The following RIMS2 variants were observed in gnomAD, a reference collection of about 807,000 sequenced individuals.
RIMS2 encodes the protein regulating synaptic membrane exocytosis protein 2.
A neutral mutation model predicts 174.4 loss-of-function variants in RIMS2; 59 were observed. The ratio of observed to expected loss-of-function variants is 0.34; its 90% confidence interval spans 0.27 to 0.42. The LOEUF (loss-of-function observed/expected upper bound fraction) is 0.42. RIMS2 is among the 10% of genes least tolerant of loss of function. RIMS2 has a pLI of 1.00. For missense variants in RIMS2, 1,620 were observed against 1,666.3 expected, an observed-to-expected ratio of 0.97 and a Z score of 0.48; for synonymous variants, 606 against 572.5, an observed-to-expected ratio of 1.06 and a Z score of -0.84.
intron 19 of RIMS2, among the ~76,000 whole-genome samples, chr8:104,187,944 G>A (rs2098976736): frequency 6.6e-6 from 1 of 151,530 alleles, no homozygotes; most frequent in African/African-American, 2.4e-5. Flanking sequence ...AATAATTTAT[G>A]GACTCACATG....
intron 1 of RIMS2, among the ~76,000 whole-genome samples, chr8:103,615,272 A>G (rs972575398): frequency 2.6e-5 from 4 of 152,220 alleles, no homozygotes; most frequent in African/African-American, 7.2e-5. Flanking sequence ...ATGCTCCTTC[A>G]TGACTTCTGG....
chr8:103,888,289 A>T (rs1184705140), intron 4 of RIMS2, among the ~76,000 whole-genome samples: 1 of 151,592 alleles, frequency 6.6e-6, no homozygotes, highest in Non-Finnish European at 1.5e-5. Context: ...TATTTGTTGC[A>T]TTCAAATGAT....
intron 19 of RIMS2, among the ~76,000 whole-genome samples, chr8:104,210,909 G>A (rs1253665507): frequency 6.6e-6 from 1 of 152,116 alleles, no homozygotes; most frequent in African/African-American, 2.4e-5. Context: ...CTTGGGGTTG[G>A]GAGTAAGATG....
At chr8:103,676,804 G>A (rs2136537701) in intron 1 of RIMS2, among the ~76,000 whole-genome samples, 1 of 152,134 alleles carries the variant, frequency 6.6e-6, no homozygotes, top group African/African-American at 2.4e-5. Flanking sequence ...CCAACATGGT[G>A]AAACACTGTC....
intron 2 of RIMS2, among the ~76,000 whole-genome samples, chr8:103,722,686 G>C (rs2097467342): frequency 1.3e-5 from 2 of 152,156 alleles, no homozygotes; most frequent in Admixed American, 1.3e-4. Flanking sequence ...TTCCTAACAG[G>C]TCATGGACTG....
At chr8:103,964,721 T>C (rs541615782) in intron 15 of RIMS2, among the ~76,000 whole-genome samples, 8 of 152,342 alleles carry the variant, frequency 5.3e-5, no homozygotes, top group African/African-American at 1.9e-4. Flanking sequence ...TATGGTGTTA[T>C]ATCTAAAAAT....
intron 1 of RIMS2, among the ~76,000 whole-genome samples, chr8:103,578,466 G>T (rs752798640): frequency 6.6e-6 from 1 of 152,070 alleles, no homozygotes; most frequent in East Asian, 1.9e-4. Context: ...GGGAGTTGAA[G>T]GTTGCAGTGA....
chr8:103,600,087 CTCCCACAAATTTTTACT>C (rs940951703), intron 1 of RIMS2, among the ~76,000 whole-genome samples: 24 of 152,140 alleles, frequency 1.6e-4, no homozygotes, highest in East Asian at 1.2e-3. Context: ...TACTCTCTAT[CTCCCACAAATTTTTACT>C]TCCCACAAAT....
intron 19 of RIMS2, chr8:104,223,799 A>G: frequency 6.3e-7 from 1 of 1,593,692 alleles, no homozygotes; most frequent in Non-Finnish European, 8.5e-7. Context: ...AGGAGGTGAG[A>G]CACCCCTTCC....
intron 1 of RIMS2, among the ~76,000 whole-genome samples, chr8:103,658,617 C>T (rs13438793): frequency 0.012 from 1,767 of 152,204 alleles, 32 homozygotes; most frequent in African/African-American, 0.039. Flanking sequence ...GATTTTCAAG[C>T]CCAGGGAAAA....
At chr8:103,675,273 G>A (rs1056469008) in intron 1 of RIMS2, among the ~76,000 whole-genome samples, 9 of 152,156 alleles carry the variant, frequency 5.9e-5, no homozygotes, top group African/African-American at 2.2e-4. Flanking sequence ...TGGGTCTCAG[G>A]TAGCCACATG....
chr8:104,129,215 G>A (rs990997663), intron 19 of RIMS2, among the ~76,000 whole-genome samples: 2 of 149,782 alleles, frequency 1.3e-5, no homozygotes, highest in Non-Finnish European at 3.0e-5. Context: ...GCGAGACCTT[G>A]TCTCTATTAA....
chr8:103,643,162 T>C (rs982327688), intron 1 of RIMS2, among the ~76,000 whole-genome samples: 1 of 152,036 alleles, frequency 6.6e-6, no homozygotes, highest in Non-Finnish European at 1.5e-5. Flanking sequence ...AGCTCATTGA[T>C]TGTTTTTTTG....
rs71575988 is a variant in RIMS2 at position 103,967,170 on chromosome 8, G to GTTTTTTTTTTTT, written c.2770+6056_2770+6067dup. On this transcript the variant is annotated intron_variant, in intron 15 of 23. Coordinates refer to ENST00000504942, the Ensembl canonical transcript of RIMS2. ...TTTTCTGCCTGCTTGATCTGTTCTT[G>GTTTTTTTTTTTT]TTTTTTTTTTTTTTTTTTTTTTTTT... Among the ~76,000 whole-genome samples the GTTTTTTTTTTTT allele has an allele frequency of 2.9e-3, 73 of 24,966 alleles. 17 individuals are homozygous for GTTTTTTTTTTTT. The highest frequency in any genetic ancestry group is 7.4e-3 in the African/African-American group (35 of 4,738). The allele number at this position is 24,966 out of a possible 152,430, so 16.4% of individuals were successfully genotyped here.
At chr8:103,510,551 C>G (rs150195598) in intron 1 of RIMS2, among the ~76,000 whole-genome samples, 30 of 152,172 alleles carry the variant, frequency 2.0e-4, no homozygotes, top group Non-Finnish European at 3.7e-4. Context: ...GACCGAGATT[C>G]TTGTTGGCTA....
intron 19 of RIMS2, among the ~76,000 whole-genome samples, chr8:104,194,976 C>T (rs2099016750): frequency 6.6e-6 from 1 of 152,184 alleles, no homozygotes; most frequent in Admixed American, 6.5e-5. Flanking sequence ...AACAGATAAA[C>T]ACGGATAACA....
intron 1 of RIMS2, among the ~76,000 whole-genome samples, chr8:103,594,521 G>A (rs1285608927): frequency 2.6e-5 from 4 of 151,658 alleles, no homozygotes; most frequent in Non-Finnish European, 5.9e-5. Flanking sequence ...AGGCTGTTAG[G>A]AAGCTAACCC....
In RIMS2 at chr8:103,921,664, C is replaced by T. The variant is rs1595187451; in HGVS notation, c.2084-8C>T. The T allele has an allele frequency of 9.3e-7, 1 of 1,069,676 alleles. No individual in the cohort carries two copies. Among genetic ancestry groups the T allele is most frequent in the Non-Finnish European group, 1.5e-6 (1 of 683,174 alleles). The allele number at this position is 1,069,676 out of a possible 1,614,324, so 66.3% of individuals were successfully genotyped here. ...GTTATTATTCGTTATGTGTAATTAT[C>T]GTTTCAGGTTCTAGCTCCTTTGAAT... On this transcript the variant is annotated splice_polypyrimidine_tract_variant and splice_region_variant and intron_variant, in intron 9 of 23. Coordinates refer to ENST00000504942, the Ensembl canonical transcript of RIMS2.
At chr8:104,041,424 A>AT in intron 19 of RIMS2, 66 bp downstream of exon 22, 4 of 644,990 alleles carry the variant, frequency 6.2e-6, no homozygotes, top group South Asian at 1.7e-5. Context: ...ATGTTTAATC[A>AT]TTTTTTTACT....
Sources: gnomAD v4.1 joint callset for allele counts (sites outside exome capture counted in the v4.1 genomes callset) on GRCh38, gnomAD v4.1.1 for gene constraint, MANE v1.5 for transcripts, NCBI Gene and HGNC (gene_info 2026-07-23, HGNC 2026-07-21) for gene names.